Variants in VTI1A observed in about 807,000 individuals in gnomAD.
The protein encoded by VTI1A is vesicle transport through interaction with t-SNAREs homolog 1A.
In VTI1A, 22 loss-of-function variants were observed where a neutral mutation model predicts 34.9. That is an observed-to-expected ratio of 0.63 (90% confidence interval 0.45 to 0.90). The LOEUF (loss-of-function observed/expected upper bound fraction) is 0.90, where lower values mean the gene tolerates loss of function less well. VTI1A is among the 40% of genes least tolerant of loss of function. The probability of loss-of-function intolerance (pLI) is 0.00; values close to 1 mark genes in which losing one functional copy is unlikely to be tolerated. For synonymous variants in VTI1A, 87 were observed against 97.3 expected (o/e 0.89, Z 0.62); for missense variants, 268 against 275.6 (o/e 0.97, Z 0.20).
chr10:112,578,470 T>C (rs764970605), intron 5 of VTI1A, among the ~76,000 whole-genome samples: 18 of 152,178 alleles, frequency 1.2e-4, no homozygotes, highest in Admixed American at 4.6e-4. Flanking sequence ...ATTTAAGATA[T>C]TAACAAAGTG....
At chr10:112,574,651 T>C (rs1852264150) in intron 5 of VTI1A, among the ~76,000 whole-genome samples, 1 of 152,206 alleles carries the variant, frequency 6.6e-6, no homozygotes. Context: ...ATTGTTTAAA[T>C]CTACCACACG....
At chr10:112,534,366 G>A (rs1413643378) in intron 4 of VTI1A, among the ~76,000 whole-genome samples, 1 of 151,742 alleles carries the variant, frequency 6.6e-6, no homozygotes, top group Non-Finnish European at 1.5e-5. Context: ...AGTAAGATTG[G>A]GTTTTATTTT....
chr10:112,618,804 G>GGTGAACA (rs2134554708), intron 5 of VTI1A, among the ~76,000 whole-genome samples: 1 of 152,140 alleles, frequency 6.6e-6, no homozygotes, highest in South Asian at 2.1e-4. Flanking sequence ...GGACATCCAA[G>GGTGAACA]GTGAACAGCA....
intron 7 of VTI1A, among the ~76,000 whole-genome samples, chr10:112,804,703 A>G (rs1366201877): frequency 1.3e-5 from 2 of 152,088 alleles, no homozygotes; most frequent in Non-Finnish European, 2.9e-5. Context: ...TTGTGACACC[A>G]TAAGTTCCCA....
intron 3 of VTI1A, among the ~76,000 whole-genome samples, chr10:112,495,178 G>A (rs1331622782): frequency 6.7e-6 from 1 of 148,536 alleles, no homozygotes; most frequent in Non-Finnish European, 1.5e-5. Context: ...TCATTGATGG[G>A]AAGAATTCAG....
rs541036385 is a variant in VTI1A, at chr10:112,641,621, G to A, written c.428-26597G>A. Reference sequence around the variant, plus strand: ...CAGCATCAATTCCAAAGCCCCACTCGTAGAAGGTCACCCTTAAAAGATCTT... The same window carrying A: ...CAGCATCAATTCCAAAGCCCCACTCATAGAAGGTCACCCTTAAAAGATCTT... On this transcript the variant is annotated intron_variant, in intron 5 of 7. Transcript: ENST00000393077. Among the ~76,000 whole-genome samples the A allele has an allele frequency of 4.6e-5, 7 of 152,274 alleles. No individual in the cohort carries two copies. The South Asian group carries it at 8.3e-4, about 18-fold the overall frequency.
At chr10:112,642,972 CTTTTCTTTTTT>C (rs1183084301) in intron 5 of VTI1A, among the ~76,000 whole-genome samples, 1 of 103,998 alleles carries the variant, frequency 9.6e-6, no homozygotes, top group Admixed American at 9.8e-5. Flanking sequence ...TCTTTTTTTT[CTTTTCTTTTTT>C]TTTTTTTTTT....
intron 5 of VTI1A, among the ~76,000 whole-genome samples, chr10:112,660,333 T>C (rs954925120): frequency 1.3e-4 from 20 of 152,098 alleles, no homozygotes; most frequent in African/African-American, 3.6e-4. Context: ...CTCTTGACCT[T>C]GTGATCCGCC....
intron 7 of VTI1A, among the ~76,000 whole-genome samples, chr10:112,729,449 ACATGCTTATTTTTTAAT>A (rs1850168392): frequency 6.6e-6 from 1 of 152,202 alleles, no homozygotes; most frequent in African/African-American, 2.4e-5. Context: ...GTGCTAAGCA[ACATGCTTATTTTTTAAT>A]TATCAACAAT....
At chr10:112,544,618 G>A (rs905919116) in intron 5 of VTI1A, among the ~76,000 whole-genome samples, 1 of 150,234 alleles carries the variant, frequency 6.7e-6, no homozygotes, top group Non-Finnish European at 1.5e-5. Context: ...CCTGTCCCCC[G>A]CCTCCAGAAA....
intron 5 of VTI1A, among the ~76,000 whole-genome samples, chr10:112,606,550 T>G (rs1020202748): frequency 6.6e-6 from 1 of 152,174 alleles, no homozygotes; most frequent in Non-Finnish European, 1.5e-5. Context: ...CATTTCCCCA[T>G]CACAACTTTC....
chr10:112,729,270 G>A (rs1850161084), intron 7 of VTI1A, among the ~76,000 whole-genome samples: 1 of 152,154 alleles, frequency 6.6e-6, no homozygotes, highest in South Asian at 2.1e-4. Context: ...TTTAAATAAT[G>A]TGTTGATAGC....
chr10:112,666,101 A>G (rs1015647944), intron 5 of VTI1A, among the ~76,000 whole-genome samples: 1 of 152,196 alleles, frequency 6.6e-6, no homozygotes, highest in Non-Finnish European at 1.5e-5. Flanking sequence ...TTGTTGTGCA[A>G]GAAAAGAAAA....
intron 7 of VTI1A, among the ~76,000 whole-genome samples, chr10:112,729,864 C>A (rs1185930386): frequency 1.3e-5 from 2 of 152,198 alleles, no homozygotes; most frequent in African/African-American, 2.4e-5. Flanking sequence ...GTGGTACTGG[C>A]AAGTGTCATG....
intron 7 of VTI1A, among the ~76,000 whole-genome samples, chr10:112,726,700 A>G (rs1850040309): frequency 6.6e-6 from 1 of 152,230 alleles, no homozygotes; most frequent in Non-Finnish European, 1.5e-5. Flanking sequence ...AAATGTACAT[A>G]TACACAAAAT....
intron 7 of VTI1A, among the ~76,000 whole-genome samples, chr10:112,681,391 A>G (rs1848214501): frequency 6.6e-6 from 1 of 152,156 alleles, no homozygotes; most frequent in Non-Finnish European, 1.5e-5. Context: ...AGGAGCCTTC[A>G]GCTTTTAGAA....
intron 5 of VTI1A, among the ~76,000 whole-genome samples, chr10:112,568,817 CT>C (rs1319544421): frequency 6.6e-6 from 1 of 152,110 alleles, no homozygotes; most frequent in African/African-American, 2.4e-5. Context: ...CTTTGACCAC[CT>C]TTCTACCCTT....
At chr10:112,503,199 C>CCAGG (rs1157201116) in intron 3 of VTI1A, among the ~76,000 whole-genome samples, 1 of 152,078 alleles carries the variant, frequency 6.6e-6, no homozygotes, top group African/African-American at 2.4e-5. Flanking sequence ...CTATGGAACA[C>CCAGG]CAGGTCTTAT....
chr10:112,475,481 C>T (rs1236872133), intron 3 of VTI1A, among the ~76,000 whole-genome samples: 1 of 152,200 alleles, frequency 6.6e-6, no homozygotes, highest in African/African-American at 2.4e-5. Flanking sequence ...AGCTATGTTA[C>T]CATTTTATGG....
Sources: gnomAD v4.1 joint callset for allele counts (sites outside exome capture counted in the v4.1 genomes callset) on GRCh38, gnomAD v4.1.1 for gene constraint, MANE v1.5 for transcripts, NCBI Gene and HGNC (gene_info 2026-07-23, HGNC 2026-07-21) for gene names.